Variants in SESN1 observed in about 807,000 individuals in gnomAD.
SESN1 encodes the protein sestrin-1.
SESN1 carries 30 observed loss-of-function variants against 59.3 expected under a neutral mutation model. The ratio of observed to expected loss-of-function variants is 0.51; its 90% CI spans 0.38 to 0.69. SESN1 has a LOEUF of 0.69. SESN1 is among the 30% of genes least tolerant of loss of function. The pLI, the probability that SESN1 is intolerant of heterozygous loss-of-function variation, is 0.00. For missense variants in SESN1, 566 were observed against 673.0 expected (o/e 0.84, Z 1.76); for synonymous variants, 197 against 219.9 (o/e 0.90, Z 0.92).
At position 108,987,608 on chromosome 6, in the gene SESN1, A is replaced by G. The variant is rs201885358; in HGVS notation, c.1592T>C (p.Ile531Thr). 20 of 1,594,232 alleles carry G rather than the reference A, an allele frequency of 1.3e-5. No individual in the cohort carries two copies. The highest frequency in any genetic ancestry group is 1.1e-4 in the South Asian group (10 of 90,728). ...SEKVHVNLLL[I>T]EARMQAELLY... The stretch of plus-strand genomic sequence containing the variant: ...GAGTTCTGCTTGCATCCTAGCTTCT[A>G]TAAGAAGCAGATTAACATGAACCTG... The change falls in exon 10 of 10, where the codon ATA becomes ACA. Residue 531 changes from isoleucine to threonine, a missense_variant. Physicochemically the swap from Ile to Thr is moderately conservative, Grantham distance 89. Transcript: ENST00000436639.
intron 1 of SESN1, among the ~76,000 whole-genome samples, chr6:109,010,501 A>T (rs1779840314): frequency 6.6e-6 from 1 of 152,274 alleles, no homozygotes; most frequent in African/African-American, 2.4e-5. Context: ...AGCAGTAGTT[A>T]TGGCCACAGA....
At chr6:109,049,254 A>T (rs897765537) in intron 1 of SESN1, among the ~76,000 whole-genome samples, 4 of 152,212 alleles carry the variant, frequency 2.6e-5, no homozygotes, top group Non-Finnish European at 5.9e-5. Flanking sequence ...TGAATTTATG[A>T]TAAGTAAAAT....
chr6:109,080,079 A>C (rs2114474606), intron 1 of SESN1, among the ~76,000 whole-genome samples: 1 of 152,312 alleles, frequency 6.6e-6, no homozygotes, highest in South Asian at 2.1e-4. Flanking sequence ...TTTCAAGCCC[A>C]CAATAGTGCA....
At chr6:109,064,190 CCCT>C (rs1426792658) in intron 1 of SESN1, among the ~76,000 whole-genome samples, 1 of 152,000 alleles carries the variant, frequency 6.6e-6, no homozygotes, top group Non-Finnish European at 1.5e-5. Flanking sequence ...CCCCACTGCC[CCCT>C]TTTTTTCCTA....
chr6:109,075,668 T>C (rs1781020058), intron 1 of SESN1, among the ~76,000 whole-genome samples: 2 of 152,194 alleles, frequency 1.3e-5, no homozygotes, highest in African/African-American at 2.4e-5. Flanking sequence ...GATGAGACCA[T>C]GGCCCTGGCA....
At chr6:109,091,732 A>G (rs753454904) in intron 1 of SESN1, among the ~76,000 whole-genome samples, 25 of 152,154 alleles carry the variant, frequency 1.6e-4, no homozygotes, top group African/African-American at 3.6e-4. Context: ...CTTTGGTATG[A>G]TGTCAAAATT....
At chr6:109,025,067 C>T (rs940922192) in intron 1 of SESN1, among the ~76,000 whole-genome samples, 2 of 152,072 alleles carry the variant, frequency 1.3e-5, no homozygotes, top group Non-Finnish European at 2.9e-5. Flanking sequence ...AAACAGAAGG[C>T]AAATCCTAGG....
chr6:109,072,024 T>A (rs1286354625), intron 1 of SESN1, among the ~76,000 whole-genome samples: 1 of 152,196 alleles, frequency 6.6e-6, no homozygotes, highest in Non-Finnish European at 1.5e-5. Flanking sequence ...ACACCTAAAA[T>A]AGCAATAATC....
rs117348246 is a variant in SESN1 at position 109,001,712 on chromosome 6, T to C, written c.346-224A>G. Among the ~76,000 whole-genome samples the C allele has an allele frequency of 8.1e-3, 1,234 of 152,268 alleles. 9 individuals are homozygous for C. The highest frequency in any genetic ancestry group is 0.011 in the Non-Finnish European group (769 of 67,992). On this transcript the variant is annotated intron_variant, in intron 2 of 9. Coordinates refer to ENST00000436639, the MANE Select transcript of SESN1 (RefSeq NM_014454.3). Reference sequence around the variant, plus strand: ...AACAAAGGCTGAACATTAAAGGCCATCTAGATAGGCTGCTTGCAGAGTTGG... The same window carrying C: ...AACAAAGGCTGAACATTAAAGGCCACCTAGATAGGCTGCTTGCAGAGTTGG...
At chr6:109,045,836 G>A (rs185638620) in intron 1 of SESN1, among the ~76,000 whole-genome samples, 1 of 152,234 alleles carries the variant, frequency 6.6e-6, no homozygotes, top group Admixed American at 6.5e-5. Flanking sequence ...TGTTTCTCCA[G>A]TGTCTGGCAT....
rs970790728 is a variant in SESN1 at position 109,032,726 on chromosome 6, G to A, written c.280-30383C>T. On this transcript the variant is annotated intron_variant, in intron 1 of 9. Transcript: ENST00000436639. ...AAGATGGCCTCTTGTCTCAGTGAAG[G>A]AGATATTCCAAGCCTTCTTTTCTTT... 3.9e-5 allele frequency among the ~76,000 whole-genome samples: 6 copies of A among 152,106 alleles called. No homozygotes were observed. The South Asian group carries it at 1.2e-3, about 32-fold the overall frequency.
chr6:109,079,149 T>A (rs577166527), intron 1 of SESN1, among the ~76,000 whole-genome samples: 4 of 149,384 alleles, frequency 2.7e-5, no homozygotes, highest in Non-Finnish European at 5.9e-5. Flanking sequence ...AATTCTAGCC[T>A]GGGGTCAAAT....
chr6:108,987,986 G>T (rs1277778753), intron 9 of SESN1, among the ~76,000 whole-genome samples: 4 of 151,966 alleles, frequency 2.6e-5, no homozygotes, highest in Non-Finnish European at 1.5e-5. Context: ...GGTATTTTTA[G>T]TATCACCATG....
intron 1 of SESN1, among the ~76,000 whole-genome samples, chr6:109,056,695 G>C (rs200931963): frequency 6.6e-6 from 1 of 152,174 alleles, no homozygotes; most frequent in Admixed American, 6.5e-5. Flanking sequence ...AAGTCTGCTA[G>C]CACTGTCTCT....
intron 1 of SESN1, among the ~76,000 whole-genome samples, chr6:109,057,052 A>G (rs1780643603): frequency 6.6e-6 from 1 of 152,156 alleles, no homozygotes; most frequent in African/African-American, 2.4e-5. Context: ...TAAGGAACTG[A>G]ATTCTCCTGC....
At chr6:109,008,940 G>C in intron 1 of SESN1, 1 of 991,596 alleles carries the variant, frequency 1.0e-6, no homozygotes, top group Non-Finnish European at 1.2e-6. Flanking sequence ...TAAATAATCT[G>C]TTTTCACAAG....
intron 1 of SESN1, among the ~76,000 whole-genome samples, chr6:109,071,737 T>A (rs1391130261): frequency 6.6e-6 from 1 of 152,160 alleles, no homozygotes; most frequent in Non-Finnish European, 1.5e-5. Flanking sequence ...TGCAAGAATG[T>A]GTCTTGTACT....
chr6:109,084,669 C>A (rs1207563093), intron 1 of SESN1, among the ~76,000 whole-genome samples: 1 of 152,064 alleles, frequency 6.6e-6, no homozygotes, highest in African/African-American at 2.4e-5. Flanking sequence ...TCTAAGAAGA[C>A]CTCTAACTTT....
At chr6:109,024,242 T>G (rs989189325) in intron 1 of SESN1, among the ~76,000 whole-genome samples, 1 of 152,206 alleles carries the variant, frequency 6.6e-6, no homozygotes, top group Non-Finnish European at 1.5e-5. Context: ...TACAAAATTA[T>G]AACAAGCTTC....
Sources: gnomAD v4.1 joint callset for allele counts (sites outside exome capture counted in the v4.1 genomes callset) on GRCh38, gnomAD v4.1.1 for gene constraint, MANE v1.5 for transcripts, NCBI Gene and HGNC (gene_info 2026-07-23, HGNC 2026-07-21) for gene names.